DNAI7: variants seen among roughly 807,000 people sequenced by gnomAD.
DNAI7 encodes the protein cancer susceptibility 1.
In DNAI7, 78 loss-of-function variants were observed where a neutral mutation model predicts 86.6. The observed-to-expected ratio is 0.90, with a 90% CI of 0.75 to 1.09. DNAI7 has a LOEUF of 1.09. Ranked by LOEUF, DNAI7 falls within the 50% of genes least tolerant of loss-of-function variation. DNAI7 has a pLI of 0.00. For synonymous variants in DNAI7, 274 were observed against 273.0 expected, an observed-to-expected ratio of 1.00 and a Z score of -0.04; for missense variants, 753 against 810.2, an observed-to-expected ratio of 0.93 and a Z score of 0.86.
At chr12:25,122,301 T>C (rs911652509) in intron 10 of DNAI7, among the ~76,000 whole-genome samples, 2 of 151,696 alleles carry the variant, frequency 1.3e-5, no homozygotes, top group Admixed American at 6.6e-5. Context: ...CTATAAATAA[T>C]TTAAAAATTA....
At chr12:25,175,254 G>GA (rs1460083567) in intron 2 of DNAI7, among the ~76,000 whole-genome samples, 7 of 152,146 alleles carry the variant, frequency 4.6e-5, no homozygotes, top group Admixed American at 1.3e-4. Context: ...TTATGTCACT[G>GA]AAAAAATAGA....
intron 12 of DNAI7, among the ~76,000 whole-genome samples, chr12:25,116,195 C>T (rs1367910101): frequency 1.3e-5 from 2 of 151,152 alleles, no homozygotes; most frequent in South Asian, 2.1e-4. Context: ...TTCCTGCTCT[C>T]GATTGGAGGG....
At chr12:25,158,794 A>G (rs570257516) in intron 3 of DNAI7, 34 of 730,408 alleles carry the variant, frequency 4.7e-5, no homozygotes, top group Non-Finnish European at 6.8e-5. Flanking sequence ...ATGAACAGAC[A>G]CTTCTCAAAA....
intron 11 of DNAI7, among the ~76,000 whole-genome samples, chr12:25,120,593 G>A (rs905867282): frequency 4.6e-5 from 7 of 151,982 alleles, no homozygotes; most frequent in African/African-American, 7.2e-5. Flanking sequence ...GGGCGTGGTA[G>A]CGGGCGCCTG....
chr12:25,120,342 G>GAGAGAGAGAGAGAGAGAGA, intron 11 of DNAI7, among the ~76,000 whole-genome samples: 353 of 137,678 alleles, frequency 2.6e-3, no homozygotes, highest in East Asian at 5.5e-3. Flanking sequence ...GAGAGAGAGA[G>GAGAGAGAGAGAGAGAGAGA]GAAGGAAGGG....
intron 10 of DNAI7, 83 bp downstream of exon 10, chr12:25,123,128 A>AT (rs1158352159): frequency 2.5e-5 from 23 of 933,318 alleles, no homozygotes; most frequent in Non-Finnish European, 3.5e-5. Flanking sequence ...CAATGTCTGA[A>AT]TTTTTTTAAC....
intron 2 of DNAI7, among the ~76,000 whole-genome samples, chr12:25,180,088 T>A (rs920938606): frequency 3.3e-5 from 5 of 152,182 alleles, no homozygotes; most frequent in Non-Finnish European, 7.4e-5. Context: ...ACGACTTCAG[T>A]AAAGTTTCAG....
At chr12:25,172,641 C>T (rs1423395611) in intron 2 of DNAI7, among the ~76,000 whole-genome samples, 1 of 152,068 alleles carries the variant, frequency 6.6e-6, no homozygotes, top group Admixed American at 6.6e-5. Context: ...GTCCACATAG[C>T]CAAAGCAAGA....
chr12:25,111,614 G>C (rs1331215132), intron 14 of DNAI7, among the ~76,000 whole-genome samples, 158 bp downstream of exon 14: 1 of 152,056 alleles, frequency 6.6e-6, no homozygotes, highest in Non-Finnish European at 1.5e-5. Flanking sequence ...GGAAAATTAA[G>C]AGAACCCTGG....
chr12:25,183,954 C>T (rs1043274447), intron 2 of DNAI7, among the ~76,000 whole-genome samples: 1 of 151,950 alleles, frequency 6.6e-6, no homozygotes, highest in Non-Finnish European at 1.5e-5. Flanking sequence ...AAGTTATATA[C>T]TGTGTAATTT....
intron 2 of DNAI7, among the ~76,000 whole-genome samples, chr12:25,178,001 T>C (rs1227140688): frequency 6.6e-6 from 1 of 152,242 alleles, no homozygotes; most frequent in Non-Finnish European, 1.5e-5. Context: ...GTGTCATGAT[T>C]TATTATCATC....
chr12:25,123,984 T>G (rs137929597), intron 9 of DNAI7, among the ~76,000 whole-genome samples: 105 of 151,470 alleles, frequency 6.9e-4, no homozygotes, highest in African/African-American at 2.4e-3. Flanking sequence ...TAAAAGAACT[T>G]TGGGTAATGT....
chr12:25,191,707 C>T (rs1283214834), intron 1 of DNAI7, among the ~76,000 whole-genome samples: 1 of 151,946 alleles, frequency 6.6e-6, no homozygotes. Context: ...AAAAAATAAA[C>T]AAATAAATAA....
chr12:25,191,650 C>A (rs1950531261), intron 1 of DNAI7, among the ~76,000 whole-genome samples: 1 of 152,062 alleles, frequency 6.6e-6, no homozygotes, highest in Non-Finnish European at 1.5e-5. Flanking sequence ...CTGCAGTAAG[C>A]CAACATCGCA....
chr12:25,159,001 G>C (rs1002047805), intron 3 of DNAI7, among the ~76,000 whole-genome samples: 1 of 152,220 alleles, frequency 6.6e-6, no homozygotes, highest in Non-Finnish European at 1.5e-5. Flanking sequence ...CTGAAAACCA[G>C]TTCAACCAAT....
At chr12:25,191,555 T>C (rs1950520334) in intron 1 of DNAI7, among the ~76,000 whole-genome samples, 1 of 151,578 alleles carries the variant, frequency 6.6e-6, no homozygotes, top group African/African-American at 2.4e-5. Context: ...ATACAGAAAA[T>C]TGGCCGGGCA....
Position 25,154,325 on chromosome 12 carries a change from C to T in DNAI7, c.432G>A (p.Val144=), listed in dbSNP as rs1945901539. ...AAAATGCATAAATACCTACATTTAG[C>T]ACTACTTTACTCTTCTCAATCACTT... The part of the protein sequence containing the change: ...FEEVIEKSKV[V]LNLIEKLKFI... The change falls in exon 6 of 16, where the codon GTG becomes GTA. Residue 144 remains valine, a synonymous_variant. Coordinates refer to ENST00000395987, the MANE Select transcript of DNAI7 (RefSeq NM_018272.5). 6.3e-7 allele frequency: 1 copy of T among 1,597,166 alleles called. No homozygotes were observed. The highest frequency in any genetic ancestry group is 1.4e-5 in the African/African-American group (1 of 73,916).
intron 4 of DNAI7, among the ~76,000 whole-genome samples, chr12:25,156,232 TCTG>T (rs1339449482): frequency 2.0e-5 from 3 of 152,224 alleles, no homozygotes; most frequent in Admixed American, 2.0e-4. Context: ...ATAAAGCTCT[TCTG>T]CTGCATATCG....
chr12:25,167,892 C>T (rs574127965), intron 2 of DNAI7, among the ~76,000 whole-genome samples: 58 of 152,294 alleles, frequency 3.8e-4, no homozygotes, highest in Admixed American at 3.1e-3. Flanking sequence ...ATGTATCTCT[C>T]GTCAAAGACC....
Sources: gnomAD v4.1 joint callset for allele counts (sites outside exome capture counted in the v4.1 genomes callset) on GRCh38, gnomAD v4.1.1 for gene constraint, MANE v1.5 for transcripts, NCBI Gene and HGNC (gene_info 2026-07-23, HGNC 2026-07-21) for gene names.